Variants in UBXN7 observed in about 807,000 individuals in gnomAD.
The protein encoded by UBXN7 is UBX domain protein 7.
Under a neutral mutation model 58.0 loss-of-function variants are expected in UBXN7, and 9 were observed. The observed-to-expected ratio is 0.16, with a 90% confidence interval of 0.09 to 0.27. The LOEUF is 0.27. Among genes scored for constraint, UBXN7 ranks in the 10% least tolerant of loss-of-function variants. UBXN7 has a pLI of 1.00. For synonymous variants in UBXN7, 208 were observed against 205.0 expected (o/e 1.01, Z -0.12); for missense variants, 328 against 599.6 (o/e 0.55, Z 4.73).
intron 5 of UBXN7, among the ~76,000 whole-genome samples, chr3:196,389,125 T>C (rs988821007): frequency 3.9e-5 from 6 of 152,164 alleles, no homozygotes; most frequent in African/African-American, 1.4e-4. Flanking sequence ...GAGCAACTCA[T>C]AAGCTAATAA....
chr3:196,413,162 A>G (rs1033531022), intron 1 of UBXN7, among the ~76,000 whole-genome samples: 4 of 151,902 alleles, frequency 2.6e-5, no homozygotes, highest in Non-Finnish European at 4.4e-5. Flanking sequence ...ACATGGTGAA[A>G]CCCCGTCTCC....
At chr3:196,370,359 G>A (rs930995821) in intron 6 of UBXN7, among the ~76,000 whole-genome samples, 1 of 151,082 alleles carries the variant, frequency 6.6e-6, no homozygotes, top group African/African-American at 2.4e-5. Flanking sequence ...ACTGAGGTGG[G>A]AAGATCCCTT....
intron 1 of UBXN7, chr3:196,431,809 C>T (rs1409933678): frequency 4.8e-6 from 2 of 413,946 alleles, no homozygotes; most frequent in Non-Finnish European, 9.8e-6. Context: ...GGCGGGAGGG[C>T]CCGAACCCGC....
At chr3:196,372,749 A>ATT (rs34621274) in intron 5 of UBXN7, among the ~76,000 whole-genome samples, 4 of 144,908 alleles carry the variant, frequency 2.8e-5, no homozygotes, top group Admixed American at 6.9e-5. Flanking sequence ...TCCATCAACA[A>ATT]TTTTTTTTTT....
chr3:196,387,994 G>A (rs1487775435), intron 5 of UBXN7, among the ~76,000 whole-genome samples: 1 of 151,976 alleles, frequency 6.6e-6, no homozygotes, highest in African/African-American at 2.4e-5. Context: ...ACATGCACAC[G>A]TATGTTTATT....
At chr3:196,402,734 G>A (rs566383419) in intron 3 of UBXN7, among the ~76,000 whole-genome samples, 2 of 152,126 alleles carry the variant, frequency 1.3e-5, no homozygotes, top group South Asian at 4.2e-4. Context: ...TTTTGCTAAC[G>A]TCCCTCCTTT....
intron 1 of UBXN7, among the ~76,000 whole-genome samples, chr3:196,424,679 C>A (rs1307635442): frequency 1.3e-5 from 2 of 150,378 alleles, no homozygotes; most frequent in Admixed American, 6.7e-5. Flanking sequence ...AGCCACTAGG[C>A]CTCGCCTCAT....
chr3:196,394,106 T>G (rs1192658155), intron 3 of UBXN7, among the ~76,000 whole-genome samples: 2 of 151,308 alleles, frequency 1.3e-5, no homozygotes, highest in East Asian at 3.9e-4. Flanking sequence ...CTGACCAACA[T>G]GGTGAGCCCC....
intron 5 of UBXN7, among the ~76,000 whole-genome samples, chr3:196,377,870 C>T (rs1393090719): frequency 6.6e-6 from 1 of 152,046 alleles, no homozygotes; most frequent in Non-Finnish European, 1.5e-5. Context: ...CAGGGTTCCA[C>T]CATATTGCCC....
At chr3:196,427,016 G>C (rs552773820) in intron 1 of UBXN7, among the ~76,000 whole-genome samples, 2 of 152,270 alleles carry the variant, frequency 1.3e-5, no homozygotes, top group Non-Finnish European at 2.9e-5. Flanking sequence ...TTGCCGCTAT[G>C]CACAAAGCTC....
intron 1 of UBXN7, among the ~76,000 whole-genome samples, chr3:196,421,772 T>C (rs1577479517): frequency 6.7e-6 from 1 of 149,418 alleles, no homozygotes; most frequent in Admixed American, 6.7e-5. Flanking sequence ...CGAGACTCCA[T>C]CTCAAACCAA....
At position 196,376,545 on chromosome 3, in the gene UBXN7, C is replaced by CAAAAAAAAAAAAAAAA. The variant is rs777458391; in HGVS notation, c.469-4519_469-4504dup. Among the ~76,000 whole-genome samples the CAAAAAAAAAAAAAAAA allele has an allele frequency of 1.8e-3, 89 of 50,538 alleles. 1 individual carries two copies. Among genetic ancestry groups the CAAAAAAAAAAAAAAAA allele is most frequent in the East Asian group, 4.9e-3 (7 of 1,416 alleles). 33.2% of individuals were successfully genotyped at this position (50,538 alleles called of 152,430 possible). The stretch of plus-strand genomic sequence containing the variant: ...TGGGCGACAGAGCGAGACTCTGTCT[C>CAAAAAAAAAAAAAAAA]AAAAAAAAAAAAAAAAAAAAAAAGA... On this transcript the variant is annotated intron_variant, in intron 5 of 10. Transcript: ENST00000296328.
At chr3:196,364,890 C>T (rs888167038) in intron 8 of UBXN7, among the ~76,000 whole-genome samples, 7 of 151,662 alleles carry the variant, frequency 4.6e-5, no homozygotes, top group African/African-American at 1.7e-4. Context: ...AAACTTCAGG[C>T]GAACTTACCA....
At chr3:196,421,408 G>A (rs773623406) in intron 1 of UBXN7, among the ~76,000 whole-genome samples, 5 of 152,130 alleles carry the variant, frequency 3.3e-5, no homozygotes, top group South Asian at 2.1e-4. Context: ...ATTCAGAAAC[G>A]TTTACAGCAA....
intron 2 of UBXN7, among the ~76,000 whole-genome samples, chr3:196,405,533 T>C (rs993162986): frequency 6.6e-6 from 1 of 151,808 alleles, no homozygotes; most frequent in South Asian, 2.1e-4. Context: ...TAAACAAAAC[T>C]TTCCATTATT....
chr3:196,385,019 C>G (rs1248232054), intron 5 of UBXN7, among the ~76,000 whole-genome samples: 2 of 152,170 alleles, frequency 1.3e-5, no homozygotes, highest in East Asian at 3.9e-4. Flanking sequence ...CTCCCTCTCC[C>G]TCTCCCCTTT....
At chr3:196,379,914 C>T (rs1729148544) in intron 5 of UBXN7, among the ~76,000 whole-genome samples, 1 of 152,030 alleles carries the variant, frequency 6.6e-6, no homozygotes, top group African/African-American at 2.4e-5. Context: ...GTTCTTGGAT[C>T]TAGTGCAGGA....
At chr3:196,432,061 T>G in intron 1 of UBXN7, 1 of 588,342 alleles carries the variant, frequency 1.7e-6, no homozygotes, top group Non-Finnish European at 3.1e-6. Flanking sequence ...ACTCGGCCCA[T>G]TCCCAGGTCT....
chr3:196,385,780 C>G (rs573380793), intron 5 of UBXN7, among the ~76,000 whole-genome samples: 3 of 150,836 alleles, frequency 2.0e-5, no homozygotes. Flanking sequence ...CCAGCCGCCC[C>G]GTCTGGGAAG....
Sources: gnomAD v4.1 joint callset for allele counts (sites outside exome capture counted in the v4.1 genomes callset) on GRCh38, gnomAD v4.1.1 for gene constraint, MANE v1.5 for transcripts, NCBI Gene and HGNC (gene_info 2026-07-23, HGNC 2026-07-21) for gene names.